ASAH2: variants seen among roughly 807,000 people sequenced by gnomAD.
ASAH2 encodes N-acylsphingosine amidohydrolase 2, also known as neutral ceramidase.
ASAH2 carries 58 observed loss-of-function variants against 82.9 expected under a neutral mutation model. The observed-to-expected ratio is 0.70, with a 90% CI of 0.57 to 0.87. ASAH2 has a LOEUF of 0.87. Among genes scored for constraint, ASAH2 ranks in the 40% least tolerant of loss-of-function variants. The probability of loss-of-function intolerance (pLI) is 0.00; values close to 1 mark genes in which losing one functional copy is unlikely to be tolerated. For missense variants in ASAH2, 779 were observed against 834.0 expected, an observed-to-expected ratio of 0.93 and a Z score of 0.81; for synonymous variants, 276 against 289.7, an observed-to-expected ratio of 0.95 and a Z score of 0.48.
At chr10:50,236,148 T>G (rs1046120052) in intron 4 of ASAH2, 84 bp from the exon 5 acceptor site, 1,048 of 1,176,208 alleles carry the variant, frequency 8.9e-4, no homozygotes, top group Non-Finnish European at 1.2e-3. Flanking sequence ...GTTCAATCAC[T>G]GATCCATACC....
At chr10:50,221,973 G>A (rs890582488) in intron 7 of ASAH2, among the ~76,000 whole-genome samples, 31 of 152,246 alleles carry the variant, frequency 2.0e-4, no homozygotes, top group African/African-American at 6.5e-4. Context: ...ACTAGATAAC[G>A]AGTACTCCTA....
chr10:50,194,685 C>T (rs1844928673), intron 18 of ASAH2, among the ~76,000 whole-genome samples: 1 of 151,016 alleles, frequency 6.6e-6, no homozygotes, highest in Non-Finnish European at 1.5e-5. Flanking sequence ...GTAATCAACA[C>T]AGCATGGTAC....
intron 7 of ASAH2, among the ~76,000 whole-genome samples, chr10:50,223,016 G>C (rs1272097002): frequency 6.6e-6 from 1 of 152,106 alleles, no homozygotes; most frequent in Admixed American, 6.6e-5. Context: ...TAGGAAGCAA[G>C]GTGCTACGTG....
chr10:50,219,553 A>G (rs2813317), intron 7 of ASAH2, among the ~76,000 whole-genome samples: 150,289 of 152,292 alleles, frequency 0.99, 74,185 homozygotes, highest in East Asian at 1. Flanking sequence ...AGAAATGCTA[A>G]TTCATAAACT....
intron 9 of ASAH2, among the ~76,000 whole-genome samples, chr10:50,213,479 G>A (rs959692808): frequency 9.2e-5 from 14 of 151,842 alleles, no homozygotes; most frequent in African/African-American, 3.4e-4. Context: ...CTGGACTTCT[G>A]GGGAAAAAAA....
intron 1 of ASAH2, among the ~76,000 whole-genome samples, chr10:50,249,045 C>T (rs887655495): frequency 2.0e-5 from 3 of 152,280 alleles, no homozygotes; most frequent in Middle Eastern, 3.4e-3. Flanking sequence ...GACTGATGCA[C>T]GCATACTTCT....
chr10:50,187,883 A>ATATC lies in ASAH2; in HGVS notation c.2154-380_2154-379insGATA, dbSNP rs1406910713. Among the ~76,000 whole-genome samples the ATATC allele has an allele frequency of 1.1e-4, 2 of 18,308 alleles. 1 individual carries two copies. Among genetic ancestry groups the ATATC allele is most frequent in the Non-Finnish European group, 5.1e-3 (2 of 396 alleles). 12.0% of individuals were successfully genotyped at this position (18,308 alleles called of 152,430 possible). On this transcript the variant is annotated intron_variant, in intron 20 of 20. Transcript: ENST00000682911. ...CTAGATTCATTTGTTTTCTATATAT[A>ATATC]TATGTGTGTGTGTATATATATATAT... is the stretch of plus-strand genomic sequence containing the variant.
At chr10:50,201,662 A>G (rs1431827441) in intron 16 of ASAH2, among the ~76,000 whole-genome samples, 4 of 152,236 alleles carry the variant, frequency 2.6e-5, no homozygotes, top group South Asian at 2.1e-4. Context: ...CTTTGGCAGC[A>G]TGTTGAGACC....
chr10:50,225,954 G>T (rs1372310586), intron 7 of ASAH2, among the ~76,000 whole-genome samples: 1 of 152,046 alleles, frequency 6.6e-6, no homozygotes, highest in African/African-American at 2.4e-5. Flanking sequence ...TTAGCCGGGT[G>T]TGGTAGTGCG....
chr10:50,247,462 G>A (rs1846494426), intron 2 of ASAH2, among the ~76,000 whole-genome samples: 1 of 151,974 alleles, frequency 6.6e-6, no homozygotes, highest in Non-Finnish European at 1.5e-5. Flanking sequence ...ACCGGGCCCA[G>A]CCAAAACTGA....
chr10:50,217,960 A>T (rs1309619524), intron 8 of ASAH2, among the ~76,000 whole-genome samples: 1 of 152,048 alleles, frequency 6.6e-6, no homozygotes, highest in Non-Finnish European at 1.5e-5. Flanking sequence ...CCCTGTCTCT[A>T]CTAAAAATAC....
intron 14 of ASAH2, among the ~76,000 whole-genome samples, 163 bp from the exon 15 acceptor site, chr10:50,203,842 T>C (rs1845225116): frequency 6.6e-6 from 1 of 152,004 alleles, no homozygotes; most frequent in Admixed American, 6.6e-5. Flanking sequence ...ACTTTTTTTC[T>C]GCCTGTCCTA....
chr10:50,223,430 C>G (rs1192344408), intron 7 of ASAH2, among the ~76,000 whole-genome samples: 1 of 152,148 alleles, frequency 6.6e-6, no homozygotes, highest in Non-Finnish European at 1.5e-5. Flanking sequence ...GAGCCTGGCA[C>G]TTCAGCCAGC....
intron 12 of ASAH2, among the ~76,000 whole-genome samples, chr10:50,209,300 T>C (rs1845390726): frequency 6.6e-6 from 1 of 152,058 alleles, no homozygotes; most frequent in South Asian, 2.1e-4. Flanking sequence ...ATTAAGAATG[T>C]TTGTGCTTCA....
chr10:50,210,678 A>T (rs1054842259), intron 12 of ASAH2, 145 bp downstream of exon 12: 9 of 801,344 alleles, frequency 1.1e-5, no homozygotes, highest in Non-Finnish European at 1.7e-5. Context: ...CGGGTGCGGT[A>T]CATGGTCATG....
intron 7 of ASAH2, among the ~76,000 whole-genome samples, chr10:50,219,022 A>C (rs903130894): frequency 7.2e-5 from 11 of 152,322 alleles, no homozygotes; most frequent in Non-Finnish European, 1.5e-4. Flanking sequence ...TATGCTAAGC[A>C]CTGAATAAAC....
chr10:50,209,248 A>C (rs1053428423), intron 12 of ASAH2, among the ~76,000 whole-genome samples: 1 of 152,208 alleles, frequency 6.6e-6, no homozygotes, highest in Non-Finnish European at 1.5e-5. Context: ...TATATATGAC[A>C]CAAAACCATG....
Position 50,235,884 on chromosome 10 carries a change from C to T in ASAH2, c.687+4G>A. On this transcript the variant is annotated splice_donor_region_variant and intron_variant, in intron 5 of 20. Transcript: ENST00000682911. ...AACAGCTGCCTCTGGGGCTCTTTGC[C>T]TACCTTCAAGATACCAGTGACCATG... 6.2e-7 allele frequency: 1 copy of T among 1,613,080 alleles called. No individual in the cohort carries two copies. The highest frequency in any genetic ancestry group is 8.5e-7 in the Non-Finnish European group (1 of 1,179,248).
intron 2 of ASAH2, among the ~76,000 whole-genome samples, chr10:50,247,662 G>C (rs937715333): frequency 6.6e-6 from 1 of 151,752 alleles, no homozygotes; most frequent in Non-Finnish European, 1.5e-5. Flanking sequence ...TCTCCATTTG[G>C]CCTAAGGCCA....
Sources: gnomAD v4.1 joint callset for allele counts (sites outside exome capture counted in the v4.1 genomes callset) on GRCh38, gnomAD v4.1.1 for gene constraint, MANE v1.5 for transcripts, NCBI Gene and HGNC (gene_info 2026-07-23, HGNC 2026-07-21) for gene names.